KCNQ1: variants seen among roughly 807,000 people sequenced by gnomAD.
KCNQ1 encodes the protein potassium voltage-gated channel subfamily Q member 1.
A neutral mutation model predicts 72.4 loss-of-function variants in KCNQ1; 49 were observed. That is an observed-to-expected ratio of 0.68 (90% CI 0.54 to 0.86). KCNQ1 has a LOEUF of 0.86. KCNQ1 is among the 40% of genes least tolerant of loss of function. The pLI is 0.00. For synonymous variants in KCNQ1, 450 were observed against 412.6 expected, an observed-to-expected ratio of 1.09 and a Z score of -1.10; for missense variants, 790 against 945.1, an observed-to-expected ratio of 0.84 and a Z score of 2.15.
Position 2,798,674 on chromosome 11 carries a change from TCTTA to T in KCNQ1, c.1794+20642_1794+20645del, listed in dbSNP as rs1217834632. On this transcript the variant is annotated intron_variant, in intron 15 of 15. Transcript: ENST00000155840. ...AATCCTTGCAGGTATCAAATTAAGT[TCTTA>T]CTTATGGTCTGGAAATTAATTACCC... 2.6e-5 allele frequency among the ~76,000 whole-genome samples: 4 copies of T among 152,242 alleles called. No homozygotes were observed. The South Asian group carries it at 6.2e-4, about 24-fold the overall frequency.
rs899500753 is a variant in KCNQ1 at position 2,571,536 on chromosome 11, A to G, written c.683+133A>G. 3 of 759,684 alleles carry G rather than the reference A, an allele frequency of 3.9e-6. No individual in the cohort carries two copies. The African/African-American group carries it at 5.1e-5, about 13-fold the overall frequency. 47.1% of individuals were successfully genotyped at this position (759,684 alleles called of 1,614,324 possible). On this transcript the variant is annotated intron_variant, in intron 4 of 15. Coordinates refer to ENST00000155840, the MANE Select transcript of KCNQ1 (RefSeq NM_000218.3). ...CTTGGTGCCCACTGCCCCCGGGGGC[A>G]CTGAGCCATGTGCTGGGATGGGTGG...
At chr11:2,583,182 G>A (rs1251443793) in intron 6 of KCNQ1, among the ~76,000 whole-genome samples, 1 of 152,142 alleles carries the variant, frequency 6.6e-6, no homozygotes, top group African/African-American at 2.4e-5. Flanking sequence ...AGCAGGCCTG[G>A]CCCTTCGTGG....
intron 2 of KCNQ1, among the ~76,000 whole-genome samples, chr11:2,542,520 A>G (rs1258917086): frequency 6.6e-6 from 1 of 152,248 alleles, no homozygotes; most frequent in Non-Finnish European, 1.5e-5. Context: ...ACAAATCTGG[A>G]CATGGGTGTA....
intron 10 of KCNQ1, chr11:2,644,045 G>A (rs906608626): frequency 2.5e-6 from 1 of 398,518 alleles, no homozygotes; most frequent in Non-Finnish European, 4.4e-6. Context: ...TTTGTCTTGG[G>A]ATGGGCAATT....
chr11:2,571,362 C>A lies in KCNQ1; in HGVS notation c.642C>A (p.Cys214Ter), dbSNP rs775479779. 1 of 1,613,092 alleles carries A rather than the reference C, an allele frequency of 6.2e-7. No homozygotes were observed. The highest frequency in any genetic ancestry group is 8.5e-7 in the Non-Finnish European group (1 of 1,179,968). The part of the protein sequence containing the change: ...IVVVASMVVL[C>*]VGSKGQVFAT... ...TCGTGGCCTCCATGGTGGTCCTCTGCGTGGGCTCCAAGGGGCAGGTGTTTG... is the reference window on the plus strand; with the variant it reads ...TCGTGGCCTCCATGGTGGTCCTCTGAGTGGGCTCCAAGGGGCAGGTGTTTG... Residue 214 changes from cysteine to a stop codon, truncating the protein, a stop_gained, in exon 4 of 16, where the codon TGC becomes TGA. Transcript: ENST00000155840. LOFTEE classifies it high-confidence loss of function.
In KCNQ1 at chr11:2,466,861, C is replaced by T. The variant is rs141224586; in HGVS notation, c.386+21377C>T. ...ATAGAGAGCGAGGGCCTGGCCCCTG[C>T]GCTCTTCCTCTGTGGTCTCCTCTGC... On this transcript the variant is annotated intron_variant, in intron 1 of 15. Transcript: ENST00000155840. Among the ~76,000 whole-genome samples, 439 of 152,338 alleles carry T rather than the reference C, an allele frequency of 2.9e-3. 3 individuals are homozygous for T. The highest frequency in any genetic ancestry group is 0.01 in the African/African-American group (424 of 41,572).
At position 2,478,170 on chromosome 11, in the gene KCNQ1, G is replaced by A. The variant is rs1248886749; in HGVS notation, c.386+32686G>A. 6.6e-6 allele frequency among the ~76,000 whole-genome samples: 1 copy of A among 152,138 alleles called. No homozygotes were observed. Among genetic ancestry groups the A allele is most frequent in the African/African-American group, 2.4e-5 (1 of 41,404 alleles). Reference sequence around the variant, plus strand: ...CAGGGTCGAATCATCCGGAGACACAGGGCAAACCCACATGGAGGGAGACAC... The same window carrying A: ...CAGGGTCGAATCATCCGGAGACACAAGGCAAACCCACATGGAGGGAGACAC... On this transcript the variant is annotated intron_variant, in intron 1 of 15. Coordinates refer to ENST00000155840, the MANE Select transcript of KCNQ1 (RefSeq NM_000218.3). The surrounding 1 kb of genome is among the most constrained non-coding windows in gnomAD (Gnocchi z 4.0).
chr11:2,756,864 A>G (rs1253830179), intron 11 of KCNQ1, among the ~76,000 whole-genome samples: 1 of 144,970 alleles, frequency 6.9e-6, no homozygotes, highest in Non-Finnish European at 1.5e-5. Flanking sequence ...GGAGAGATTT[A>G]TTCTAGGTAA....
At position 2,509,575 on chromosome 11, in the gene KCNQ1, A is replaced by C. The variant is rs998315847; in HGVS notation, c.387-18353A>C. On this transcript the variant is annotated intron_variant, in intron 1 of 15. Transcript: ENST00000155840. This position sits in a 1 kb window ranked among gnomAD's most constrained non-coding sequence, Gnocchi z 6.3. Reference sequence around the variant, plus strand: ...GAAGCAGGCAGGAAGTGGCAGCTCCAGGTCCGGGTGTGAGGGCAGTAGTGC... The same window carrying C: ...GAAGCAGGCAGGAAGTGGCAGCTCCCGGTCCGGGTGTGAGGGCAGTAGTGC... Among the ~76,000 whole-genome samples, 19 of 152,194 alleles carry C rather than the reference A, an allele frequency of 1.2e-4. No homozygotes were observed. The highest frequency in any genetic ancestry group is 2.4e-4 in the Non-Finnish European group (16 of 68,028).
At chr11:2,643,124 T>A in intron 10 of KCNQ1, 1 of 398,096 alleles carries the variant, frequency 2.5e-6, no homozygotes, top group Non-Finnish European at 4.4e-6. Context: ...ATGAGAAGAG[T>A]GTATATTCTG....
At position 2,661,795 on chromosome 11, in the gene KCNQ1, ACACC is replaced by A; in HGVS notation, c.1394-156_1394-153del. On this transcript the variant is annotated intron_variant, in intron 10 of 15. Transcript: ENST00000155840. The surrounding 1 kb of genome is among the most constrained non-coding windows in gnomAD (Gnocchi z 5.9). ...GTCAGGCACTTTGGGGCCATCTTAAACACCCACCCACCCCAACACCCAACTATAA... is the reference window on the plus strand; with the variant it reads ...GTCAGGCACTTTGGGGCCATCTTAAACACCCACCCCAACACCCAACTATAA... The A allele has an allele frequency of 3.9e-6, 3 of 773,364 alleles. No individual in the cohort carries two copies. The highest frequency in any genetic ancestry group is 4.3e-6 in the Non-Finnish European group (2 of 462,132). 47.9% of individuals were successfully genotyped at this position (773,364 alleles called of 1,614,324 possible).
At position 2,813,510 on chromosome 11, in the gene KCNQ1, A is replaced by G. The variant is rs950202725; in HGVS notation, c.1795-34257A>G. Among the ~76,000 whole-genome samples the G allele has an allele frequency of 1.6e-4, 24 of 151,960 alleles. No homozygotes were observed. The highest frequency in any genetic ancestry group is 1.6e-3 in the Admixed American group (24 of 15,258). On this transcript the variant is annotated intron_variant, in intron 15 of 15. Transcript: ENST00000155840. The surrounding 1 kb of genome is among the most constrained non-coding windows in gnomAD (Gnocchi z 4.4). ...CTGCGCCTGGTCACCAAGTCCTGACAACACCTCCAGCCCCTGTCTCTATGG... is the reference window on the plus strand; with the variant it reads ...CTGCGCCTGGTCACCAAGTCCTGACGACACCTCCAGCCCCTGTCTCTATGG...
chr11:2,826,865 GTGTGGGGTGTC>G lies in KCNQ1; in HGVS notation c.1795-20899_1795-20889del, dbSNP rs1304340028. On this transcript the variant is annotated intron_variant, in intron 15 of 15. Transcript: ENST00000155840. This position sits in a 1 kb window ranked among gnomAD's most constrained non-coding sequence, Gnocchi z 4.2. ...AGGCCAGCAGCCTGTAAACCACTGGGTGTGGGGTGTCTGGTCCTGGAGTGACAAGGACAGGG... is the reference window on the plus strand; with the variant it reads ...AGGCCAGCAGCCTGTAAACCACTGGGTGGTCCTGGAGTGACAAGGACAGGG... 2.6e-5 allele frequency among the ~76,000 whole-genome samples: 4 copies of G among 152,358 alleles called. No homozygotes were observed. The highest frequency in any genetic ancestry group is 3.9e-4 in the East Asian group (2 of 5,192).
Position 2,498,986 on chromosome 11 carries a change from G to A in KCNQ1, c.387-28942G>A, listed in dbSNP as rs950234704. 8.5e-5 allele frequency among the ~76,000 whole-genome samples: 13 copies of A among 152,240 alleles called. No individual in the cohort carries two copies. Among genetic ancestry groups the A allele is most frequent in the East Asian group, 5.8e-4 (3 of 5,170 alleles). ...CTCGGCTGGGGGAGGGAGGTCTCCC[G>A]GCTCCTTGCACTTCCCAGGTGAGGC... On this transcript the variant is annotated intron_variant, in intron 1 of 15. Transcript: ENST00000155840. The surrounding 1 kb of genome is among the most constrained non-coding windows in gnomAD (Gnocchi z 4.8).
In KCNQ1 at chr11:2,599,584, G is replaced by C. The variant is rs925916674; in HGVS notation, c.1393+10730G>C. ...CTGCCATAACAAAATACCACAGGCT[G>C]GGTGGCTTAGACAGCAGACATGTAT... On this transcript the variant is annotated intron_variant, in intron 10 of 15. Transcript: ENST00000155840. This position sits in a 1 kb window ranked among gnomAD's most constrained non-coding sequence, Gnocchi z 4.7. Among the ~76,000 whole-genome samples, 1 of 152,206 alleles carries C rather than the reference G, an allele frequency of 6.6e-6. No individual in the cohort carries two copies. Among genetic ancestry groups the C allele is most frequent in the Non-Finnish European group, 1.5e-5 (1 of 68,036 alleles).
Position 2,682,624 on chromosome 11 carries a change from C to T in KCNQ1, c.1514+20543C>T. On this transcript the variant is annotated intron_variant, in intron 11 of 15. Transcript: ENST00000155840. This position sits in a 1 kb window ranked among gnomAD's most constrained non-coding sequence, Gnocchi z 5.8. The stretch of plus-strand genomic sequence containing the variant: ...AGTGTAAGGCTTGAGAGCTCTTCTT[C>T]AGGCTCAGTCATCCCTGCTTCCCCA... 1 of 398,642 alleles carries T rather than the reference C, an allele frequency of 2.5e-6. No individual in the cohort carries two copies. The highest frequency in any genetic ancestry group is 1.3e-4 in the South Asian group (1 of 7,856). The allele number at this position is 398,642 out of a possible 1,614,324, so 24.7% of individuals were successfully genotyped here.
At chr11:2,616,199 CTTTTGTTTTTTTTTCTTAT>C (rs976040447) in intron 10 of KCNQ1, 7 of 395,610 alleles carry the variant, frequency 1.8e-5, no homozygotes, top group African/African-American at 1.0e-4. Flanking sequence ...ATCGTTCCCA[CTTTTGTTTTTTTTTCTTAT>C]TTTTGTTTTT....
At chr11:2,630,998 C>T in intron 10 of KCNQ1, 1 of 398,496 alleles carries the variant, frequency 2.5e-6, no homozygotes, top group Non-Finnish European at 4.4e-6. Flanking sequence ...TATCTTGCCG[C>T]TTTCAAAATT....
Position 2,611,770 on chromosome 11 carries a change from C to T in KCNQ1, c.1393+22916C>T, listed in dbSNP as rs532728085. 1.0e-5 allele frequency: 4 copies of T among 398,378 alleles called. No individual in the cohort carries two copies. The highest frequency in any genetic ancestry group is 1.8e-5 in the Non-Finnish European group (4 of 226,008). 24.7% of individuals were successfully genotyped at this position (398,378 alleles called of 1,614,324 possible). A position where few individuals can be genotyped will look rare whatever the true frequency, so the allele number is the denominator to read the frequency against. The stretch of plus-strand genomic sequence containing the variant: ...GTTGTTATTTATTTTCTATATGTCT[C>T]ATATCACTTTTGTTCCTCTCTTCCT... On this transcript the variant is annotated intron_variant, in intron 10 of 15. Coordinates refer to ENST00000155840, the MANE Select transcript of KCNQ1 (RefSeq NM_000218.3). This position sits in a 1 kb window ranked among gnomAD's most constrained non-coding sequence, Gnocchi z 5.3.
Sources: allele counts gnomAD v4.1 joint callset (sites outside exome capture counted in the v4.1 genomes callset), GRCh38; gene constraint gnomAD v4.1.1; non-coding constraint Gnocchi (gnomAD v3.1); transcripts MANE v1.5; gene names NCBI Gene and HGNC (gene_info 2026-07-23, HGNC 2026-07-21).